Variants in CDAN1 observed in about 807,000 individuals in gnomAD.
CDAN1 encodes codanin 1, also known as codanin-1.
CDAN1 carries 107 observed loss-of-function variants against 139.8 expected under a neutral mutation model. The observed-to-expected ratio is 0.77, with a 90% CI of 0.65 to 0.90. CDAN1 has a LOEUF of 0.90. CDAN1 is among the 40% of genes least tolerant of loss of function. The pLI is 0.00. For synonymous variants in CDAN1, 776 were observed against 660.6 expected, an observed-to-expected ratio of 1.17 and a Z score of -2.68; for missense variants, 1,667 against 1,575.7, an observed-to-expected ratio of 1.06 and a Z score of -0.98.
At chr15:42,731,407 A>G (rs1238700569) in intron 11 of CDAN1, 76 bp from the exon 12 acceptor site, 1 of 1,595,974 alleles carries the variant, frequency 6.3e-7, no homozygotes, top group African/African-American at 1.3e-5. Flanking sequence ...GGGGCACTCC[A>G]GAGGGAAGGG....
chr15:42,736,420 GGCC>G lies in CDAN1; in HGVS notation c.448_450del (p.Gly150del), dbSNP rs762745039. ...GGGCTGCCAGAGCCCCTAAGCCTCCGGCCCCCGGCTCCGGGCAGGCTCTCCCCG... is the reference window on the plus strand; with the variant it reads ...GGGCTGCCAGAGCCCCTAAGCCTCCGCCCGGCTCCGGGCAGGCTCTCCCCG... On this transcript the variant is annotated inframe_deletion, in exon 2 of 28. Coordinates refer to ENST00000356231, the MANE Select transcript of CDAN1 (RefSeq NM_138477.4). The G allele has an allele frequency of 2.5e-6, 4 of 1,605,878 alleles. No homozygotes were observed. Among genetic ancestry groups the G allele is most frequent in the Non-Finnish European group, 3.4e-6 (4 of 1,176,390 alleles).
chr15:42,729,357 G>A lies in CDAN1; in HGVS notation c.2413C>T (p.Leu805Phe). 2 of 1,614,146 alleles carry A rather than the reference G, an allele frequency of 1.2e-6. No homozygotes were observed. The highest frequency in any genetic ancestry group is 2.2e-5 in the South Asian group (2 of 91,090). The change falls in exon 18 of 28, where the codon CTC becomes TTC. Residue 805 changes from leucine to phenylalanine, a missense_variant. By Grantham distance (22) the Leu-to-Phe change is conservative. Transcript: ENST00000356231. ...LYTCCPYIGE[L>F]RKLLASWVSG... The stretch of plus-strand genomic sequence containing the variant: ...ACCCACGAAGCGAGCAGTTTCCGGA[G>A]CTCTCCTGTATCAGTGAAGTCCAAG...
In CDAN1 at chr15:42,728,233, C is replaced by T; in HGVS notation, c.2839G>A (p.Ala947Thr). ...GCCGGGGTCTCCTCTGGAAGCAGCG[C>T]CCGCACAGCCCCAGGGCTCTTCCTT... Reference protein sequence around the residue: ...CQRKSPGAVRALLPEETPAAV... With the variant: ...CQRKSPGAVRTLLPEETPAAV... The change falls in exon 21 of 28, where the codon GCG (alanine) becomes ACG (threonine). Residue 947 changes from alanine to threonine, a missense_variant. By Grantham distance (58) the Ala-to-Thr change is moderately conservative (BLOSUM62 0). Around this residue, in one of 3 missense-constraint regions of CDAN1, gnomAD observed 936 missense variants for 844.1 expected, o/e 1.11. Coordinates refer to ENST00000356231, the MANE Select transcript of CDAN1 (RefSeq NM_138477.4). 6.2e-7 allele frequency: 1 copy of T among 1,613,960 alleles called. No homozygotes were observed. The highest frequency in any genetic ancestry group is 8.5e-7 in the Non-Finnish European group (1 of 1,180,008).
Position 42,735,276 on chromosome 15 carries a change from T to C in CDAN1, c.1042A>G (p.Ser348Gly). The change falls in exon 5 of 28, where the codon AGT becomes GGT. Residue 348 changes from serine to glycine, a missense_variant. This residue lies in a region of CDAN1 where 244 missense variants were observed against 309.4 expected (regional missense o/e 0.79). Coordinates refer to ENST00000356231, the MANE Select transcript of CDAN1 (RefSeq NM_138477.4). ...VTAKDSDPEL[S>G]PAVLDSLESP... ...GCTCACTGACCTAGGACAGCTGGACTTAGTTCAGGGTCGCTGTCCTTGGCA... is the reference window on the plus strand; with the variant it reads ...GCTCACTGACCTAGGACAGCTGGACCTAGTTCAGGGTCGCTGTCCTTGGCA... 6.2e-7 allele frequency: 1 copy of C among 1,608,942 alleles called. No homozygotes were observed. Among genetic ancestry groups the C allele is most frequent in the Middle Eastern group, 1.7e-4 (1 of 6,060 alleles).
chr15:42,725,341 G>C (rs1412976638), intron 26 of CDAN1, 90 bp from the exon 27 acceptor site: 3 of 1,481,538 alleles, frequency 2.0e-6, no homozygotes, highest in African/African-American at 2.8e-5. Context: ...AGAGCTGCTG[G>C]GAAGAGACTT....
intron 15 of CDAN1, 57 bp from the exon 16 acceptor site, chr15:42,729,942 A>AC (rs938147919): frequency 3.2e-6 from 2 of 623,186 alleles, no homozygotes; most frequent in Non-Finnish European, 4.6e-6. Flanking sequence ...AACCCACCCC[A>AC]CCTCCTGCAC....
chr15:42,732,499 C>T (rs1334018815), intron 9 of CDAN1, 91 bp from the exon 10 acceptor site: 14 of 1,226,152 alleles, frequency 1.1e-5, no homozygotes, highest in African/African-American at 3.0e-5. Flanking sequence ...ACTTCCCAGC[C>T]GTTTACCAGG....
Position 42,729,701 on chromosome 15 carries a change from C to A in CDAN1, c.2353-79G>T. The A allele has an allele frequency of 2.5e-6, 4 of 1,594,778 alleles. 1 individual carries two copies. In the South Asian group the frequency reaches 4.4e-5, roughly 18 times the overall value. On this transcript the variant is annotated intron_variant, in intron 16 of 27. Transcript: ENST00000356231. ...AAGCAGGCAGTTGGCAGGGCCTTTA[C>A]AAGGGTTACATCTGCCCCTGGCTGG...
Position 42,731,853 on chromosome 15 carries a change from TAAAA to T in CDAN1, c.1534-32_1534-29del, listed in dbSNP as rs781377309. The T allele has an allele frequency of 5.0e-6, 8 of 1,609,210 alleles. No homozygotes were observed. The African/African-American group carries it at 8.0e-5, about 16-fold the overall frequency. ...AGGGTGGAAGAGGAAGGAGAGAAAT[TAAAA>T]AAATCAGCAAGTGGGAGGGAAGGAC... On this transcript the variant is annotated intron_variant, in intron 10 of 27. Transcript: ENST00000356231.
In CDAN1 at chr15:42,729,845, C is replaced by A. The variant is rs1166686407; in HGVS notation, c.2303G>T (p.Gly768Val). The A allele has an allele frequency of 6.2e-7, 1 of 1,613,950 alleles. No individual in the cohort carries two copies. The highest frequency in any genetic ancestry group is 8.5e-7 in the Non-Finnish European group (1 of 1,179,986). Reference sequence around the variant, plus strand: ...GTCCACCTCAAAGGCATATGAGGGACCCTCTTCCAGAAAGAACAAGTCCTC... The same window carrying A: ...GTCCACCTCAAAGGCATATGAGGGAACCTCTTCCAGAAAGAACAAGTCCTC... ...VPEDLFFLEE[G>V]PSYAFEVDTV... The change falls in exon 16 of 28, where the codon GGT (glycine) becomes GTT (valine). Residue 768 changes from glycine to valine, a missense_variant. Physicochemically the swap from Gly to Val is moderately radical, Grantham distance 109. Around this residue, in one of 3 missense-constraint regions of CDAN1, gnomAD observed 936 missense variants for 844.1 expected, o/e 1.11. Transcript: ENST00000356231.
chr15:42,735,760 C>A, intron 3 of CDAN1, 81 bp from the exon 4 acceptor site: 1 of 1,584,690 alleles, frequency 6.3e-7, no homozygotes, highest in Non-Finnish European at 8.7e-7. Context: ...GAGAAGATAC[C>A]AACAGCCCAG....
intron 7 of CDAN1, 61 bp downstream of exon 7, chr15:42,734,165 A>G (rs2061655492): frequency 1.2e-6 from 2 of 1,613,726 alleles, no homozygotes; most frequent in South Asian, 2.2e-5. Context: ...GGTTGCCTGA[A>G]TTTATGAAAG....
rs2061494037 is a variant in CDAN1, at chr15:42,724,241, A to C, written c.*250T>G. ...CATTTAGTATCCAAGAGATAAACAAACACCACCTCTTCTACTCCAGGACTG... is the reference window on the plus strand; with the variant it reads ...CATTTAGTATCCAAGAGATAAACAACCACCACCTCTTCTACTCCAGGACTG... On this transcript the variant is annotated 3_prime_UTR_variant, in exon 28 of 28. Transcript: ENST00000356231. The C allele has an allele frequency of 3.9e-6, 2 of 506,482 alleles. No individual in the cohort carries two copies. Among genetic ancestry groups the C allele is most frequent in the Non-Finnish European group, 3.6e-6 (1 of 276,608 alleles). 31.4% of individuals were successfully genotyped at this position (506,482 alleles called of 1,614,324 possible).
In CDAN1 at chr15:42,724,383, C is replaced by T; in HGVS notation, c.*108G>A. On this transcript the variant is annotated 3_prime_UTR_variant, in exon 28 of 28. Transcript: ENST00000356231. ...TAGAGCAGGAAGTCTGACTGTAGACCCAGCTACACCCCAACCAGTGAGGGT... is the reference window on the plus strand; with the variant it reads ...TAGAGCAGGAAGTCTGACTGTAGACTCAGCTACACCCCAACCAGTGAGGGT... The T allele has an allele frequency of 4.8e-6, 7 of 1,449,124 alleles. No individual in the cohort carries two copies. Among genetic ancestry groups the T allele is most frequent in the Non-Finnish European group, 4.7e-6 (5 of 1,067,416 alleles). The allele number at this position is 1,449,124 out of a possible 1,614,324, so 89.8% of individuals were successfully genotyped here.
chr15:42,729,473 C>G, intron 17 of CDAN1, 95 bp downstream of exon 17: 1 of 1,599,290 alleles, frequency 6.3e-7, no homozygotes, highest in Non-Finnish European at 8.6e-7. Context: ...TGACTATGAA[C>G]GGAGCAATAT....
chr15:42,726,503 G>C, intron 23 of CDAN1, 86 bp from the exon 24 acceptor site: 1 of 1,042,520 alleles, frequency 9.6e-7, no homozygotes. Flanking sequence ...TCAGCCAGTG[G>C]AGAGAGGCAG....
intron 23 of CDAN1, 21 bp from the exon 24 acceptor site, chr15:42,726,438 T>TA: frequency 1.3e-6 from 2 of 1,554,478 alleles, no homozygotes; most frequent in Non-Finnish European, 1.7e-6. Context: ...CAGGGGGAGA[T>TA]ATCACCTTGC....
chr15:42,729,240 G>T lies in CDAN1; in HGVS notation c.2530C>A (p.Gln844Lys). ...CGCCCTGCCCTTACCTGCAGCCCCT[G>T]GCTGGTCTGGGAAGGCTGGGCTCCC... The part of the protein sequence containing the change: ...SLGAQPSQTS[Q>K]GLQAQLAQAF... The change falls in exon 18 of 28, where the codon CAG becomes AAG. Residue 844 changes from glutamine (Q) to lysine (K), a missense_variant. By Grantham distance (53) the Gln-to-Lys change is moderately conservative (BLOSUM62 1). Around this residue, in one of 3 missense-constraint regions of CDAN1, gnomAD observed 936 missense variants for 844.1 expected, o/e 1.11. Coordinates refer to ENST00000356231, the MANE Select transcript of CDAN1 (RefSeq NM_138477.4). The T allele has an allele frequency of 6.2e-7, 1 of 1,612,336 alleles. No individual in the cohort carries two copies. Among genetic ancestry groups the T allele is most frequent in the South Asian group, 1.1e-5 (1 of 91,020 alleles).
At position 42,729,615 on chromosome 15, in the gene CDAN1, G is replaced by A. The variant is rs138839403; in HGVS notation, c.2360C>T (p.Ala787Val). 4.0e-4 allele frequency: 644 copies of A among 1,613,968 alleles called. 2 individuals are homozygous for A. Among genetic ancestry groups the A allele is most frequent in the East Asian group, 2.8e-3 (124 of 44,864 alleles). ...GAGCAGCTGCTGGTCCACCACAGGC[G>A]CATTGTCCTGGGGAGAAAAGGTTGG... The part of the protein sequence containing the change: ...TVAPEHGLDN[A>V]PVVDQQLLYT... The change falls in exon 17 of 28, where the codon GCG becomes GTG. Residue 787 changes from alanine (A) to valine (V), a missense_variant. Physicochemically the swap from Ala to Val is moderately conservative, Grantham distance 64. Around this residue, in one of 3 missense-constraint regions of CDAN1, gnomAD observed 936 missense variants for 844.1 expected, o/e 1.11. Transcript: ENST00000356231.
Sources: gnomAD v4.1 joint callset for allele counts on GRCh38, gnomAD v4.1.1 for gene constraint, gnomAD v4.1.1 regional missense constraint, MANE v1.5 for transcripts, NCBI Gene and HGNC (gene_info 2026-07-23, HGNC 2026-07-21) for gene names.